Variants in OSBPL3 observed in about 807,000 individuals in gnomAD.
The protein encoded by OSBPL3 is oxysterol binding protein like 3.
Under a neutral mutation model 120.1 loss-of-function variants are expected in OSBPL3, and 65 were observed. That is an observed-to-expected ratio of 0.54 (90% CI 0.44 to 0.67). The LOEUF is 0.67. OSBPL3 is among the 30% of genes least tolerant of loss of function. The pLI is 0.00. For missense variants in OSBPL3, 1,004 were observed against 1,082.1 expected (o/e 0.93, Z 1.01); for synonymous variants, 416 against 402.6 (o/e 1.03, Z -0.40).
rs1346286455 is a variant in OSBPL3 at position 24,899,133 on chromosome 7, G to C, written c.-149-6512C>G. Among the ~76,000 whole-genome samples, 1 of 152,098 alleles carries C rather than the reference G, an allele frequency of 6.6e-6. No homozygotes were observed. Among genetic ancestry groups the C allele is most frequent in the African/African-American group, 2.4e-5 (1 of 41,396 alleles). Reference sequence around the variant, plus strand: ...CATCATCCATTTCTTATGGGACATGGATCAAGAGCCCTTGTGATCCCAGAT... The same window carrying C: ...CATCATCCATTTCTTATGGGACATGCATCAAGAGCCCTTGTGATCCCAGAT... On this transcript the variant is annotated intron_variant, in intron 1 of 22. Transcript: ENST00000313367. The surrounding 1 kb of genome is among the most constrained non-coding windows in gnomAD (Gnocchi z 4.0).
In OSBPL3 at chr7:24,852,388, T is replaced by A. The variant is rs552308639; in HGVS notation, c.1158+116A>T. On this transcript the variant is annotated intron_variant, in intron 11 of 22. Coordinates refer to ENST00000313367, the MANE Select transcript of OSBPL3 (RefSeq NM_015550.4). This position sits in a 1 kb window ranked among gnomAD's most constrained non-coding sequence, Gnocchi z 4.1. ...GATTTGATGAAAGGTTAGAATATAA[T>A]TTGGATAATTTGGTTTTCTCCTGAA... is the stretch of plus-strand genomic sequence containing the variant. 1.2e-6 allele frequency: 1 copy of A among 856,208 alleles called. No individual in the cohort carries two copies. The highest frequency in any genetic ancestry group is 1.7e-6 in the Non-Finnish European group (1 of 598,582). 53.0% of individuals were successfully genotyped at this position (856,208 alleles called of 1,614,324 possible).
chr7:24,875,245 A>G (rs1463349864), intron 2 of OSBPL3, among the ~76,000 whole-genome samples: 2 of 152,184 alleles, frequency 1.3e-5, no homozygotes, highest in African/African-American at 4.8e-5. Context: ...CTGAGGGAAG[A>G]CTGTATTTTG....
chr7:24,846,050 A>G (rs1432783454), intron 12 of OSBPL3, among the ~76,000 whole-genome samples: 1 of 152,202 alleles, frequency 6.6e-6, no homozygotes, highest in Non-Finnish European at 1.5e-5. Flanking sequence ...TAATTTATTG[A>G]ATAATCCACC....
At chr7:24,956,626 A>C (rs1319673430) in intron 1 of OSBPL3, among the ~76,000 whole-genome samples, 1 of 152,212 alleles carries the variant, frequency 6.6e-6, no homozygotes, top group Admixed American at 6.5e-5. Context: ...AGTTAGTCTC[A>C]TTGTTAGACC....
rs763935584 is a variant in OSBPL3 at position 24,854,933 on chromosome 7, G to A, written c.1028-2299C>T. On this transcript the variant is annotated intron_variant, in intron 10 of 22. Transcript: ENST00000313367. The surrounding 1 kb of genome is among the most constrained non-coding windows in gnomAD (Gnocchi z 4.1). Reference sequence around the variant, plus strand: ...GTTACTGCAATATCATAGTGATACCGATGAAGGAGACACATGAGGATGAAA... The same window carrying A: ...GTTACTGCAATATCATAGTGATACCAATGAAGGAGACACATGAGGATGAAA... Among the ~76,000 whole-genome samples, 64 of 152,232 alleles carry A rather than the reference G, an allele frequency of 4.2e-4. 1 individual carries two copies. The highest frequency in any genetic ancestry group is 3.5e-4 in the Non-Finnish European group (24 of 68,040).
chr7:24,913,900 T>C lies in OSBPL3; in HGVS notation c.-149-21279A>G, dbSNP rs560437866. On this transcript the variant is annotated intron_variant, in intron 1 of 22. Transcript: ENST00000313367. This position sits in a 1 kb window ranked among gnomAD's most constrained non-coding sequence, Gnocchi z 5.3. ...AAACAGAGCTAAAGTAAAGTAAAAG[T>C]TCTACATATATGCATTGAAACTTTC... is the stretch of plus-strand genomic sequence containing the variant. Among the ~76,000 whole-genome samples the C allele has an allele frequency of 2.6e-5, 4 of 152,260 alleles. No homozygotes were observed. The highest frequency in any genetic ancestry group is 4.8e-5 in the African/African-American group (2 of 41,564).
At chr7:24,874,409 G>A (rs1308529091) in intron 2 of OSBPL3, among the ~76,000 whole-genome samples, 1 of 152,100 alleles carries the variant, frequency 6.6e-6, no homozygotes, top group East Asian at 1.9e-4. Flanking sequence ...CAAAACATTC[G>A]ATTGTGCACA....
At position 24,805,268 on chromosome 7, in the gene OSBPL3, C is replaced by CTGAT. The variant is rs1306139232; in HGVS notation, c.2445-835_2445-832dup. 1.3e-5 allele frequency among the ~76,000 whole-genome samples: 2 copies of CTGAT among 152,128 alleles called. No homozygotes were observed. Among genetic ancestry groups the CTGAT allele is most frequent in the African/African-American group, 4.8e-5 (2 of 41,424 alleles). On this transcript the variant is annotated intron_variant, in intron 21 of 22. Transcript: ENST00000313367. This position sits in a 1 kb window ranked among gnomAD's most constrained non-coding sequence, Gnocchi z 4.0. ...ATAAAACTTCTGAATTTTTGCCAAT[C>CTGAT]TGATAGGTTAAAAATTGGGATGTCG... is the stretch of plus-strand genomic sequence containing the variant.
At chr7:24,890,126 C>A (rs569273543) in intron 2 of OSBPL3, among the ~76,000 whole-genome samples, 1 of 152,098 alleles carries the variant, frequency 6.6e-6, no homozygotes, top group East Asian at 1.9e-4. Flanking sequence ...AGAAAAATGA[C>A]CAATAAAATC....
intron 14 of OSBPL3, among the ~76,000 whole-genome samples, chr7:24,839,989 CACAAAAAAAAAAAA>C (rs1797513144): frequency 3.1e-5 from 2 of 65,312 alleles, no homozygotes; most frequent in African/African-American, 1.1e-4. Flanking sequence ...GACTCCATCT[CACAAAAAAAAAAAA>C]AAAAAAAAAA....
rs1208488149 is a variant in OSBPL3 at position 24,851,912 on chromosome 7, T to C, written c.1158+592A>G. On this transcript the variant is annotated intron_variant, in intron 11 of 22. Transcript: ENST00000313367. The surrounding 1 kb of genome is among the most constrained non-coding windows in gnomAD (Gnocchi z 4.1). ...TTTTCCTGTTACTATGAAGGTATAG[T>C]GATTGCCTGACAGGCACTTTCATGT... 6.6e-6 allele frequency among the ~76,000 whole-genome samples: 1 copy of C among 152,198 alleles called. No homozygotes were observed. Among genetic ancestry groups the C allele is most frequent in the Admixed American group, 6.5e-5 (1 of 15,284 alleles).
At chr7:24,812,537 C>G (rs1007461501) in intron 19 of OSBPL3, among the ~76,000 whole-genome samples, 3 of 151,942 alleles carry the variant, frequency 2.0e-5, no homozygotes, top group Non-Finnish European at 4.4e-5. Flanking sequence ...GGAGCTCTAG[C>G]ACCCTAGAGT....
At chr7:24,914,989 T>A (rs1809339420) in intron 1 of OSBPL3, among the ~76,000 whole-genome samples, 1 of 152,136 alleles carries the variant, frequency 6.6e-6, no homozygotes, top group Non-Finnish European at 1.5e-5. Context: ...ACCAAAAAAG[T>A]TATCAGTTAA....
Position 24,851,358 on chromosome 7 carries a change from G to C in OSBPL3, c.1158+1146C>G, listed in dbSNP as rs982805254. ...AATGTTATTTTTAATTTCTTTTGAA[G>C]ATAGCATACTTGTAATGGTCCATCA... On this transcript the variant is annotated intron_variant, in intron 11 of 22. Coordinates refer to ENST00000313367, the MANE Select transcript of OSBPL3 (RefSeq NM_015550.4). The surrounding 1 kb of genome is among the most constrained non-coding windows in gnomAD (Gnocchi z 4.1). Among the ~76,000 whole-genome samples the C allele has an allele frequency of 2.6e-5, 4 of 152,162 alleles. No homozygotes were observed. The highest frequency in any genetic ancestry group is 9.7e-5 in the African/African-American group (4 of 41,434).
At chr7:24,924,006 T>C (rs377502828) in intron 1 of OSBPL3, among the ~76,000 whole-genome samples, 2 of 152,208 alleles carry the variant, frequency 1.3e-5, no homozygotes, top group Admixed American at 6.5e-5. Context: ...AGTTAAAATA[T>C]CTGGGAAACC....
At chr7:24,840,229 C>T (rs747439246) in intron 14 of OSBPL3, among the ~76,000 whole-genome samples, 1 of 152,018 alleles carries the variant, frequency 6.6e-6, no homozygotes, top group Non-Finnish European at 1.5e-5. Context: ...GTCCTCTACA[C>T]AGCTCACCCT....
intron 1 of OSBPL3, among the ~76,000 whole-genome samples, chr7:24,909,768 G>GTTTTTTT (rs66683612): frequency 9.0e-6 from 1 of 110,608 alleles, no homozygotes; most frequent in African/African-American, 3.4e-5. Flanking sequence ...GAAAGCTACT[G>GTTTTTTT]TTTTTTTTTT....
At chr7:24,866,536 G>A (rs572943659) in intron 5 of OSBPL3, among the ~76,000 whole-genome samples, 1 of 152,264 alleles carries the variant, frequency 6.6e-6, no homozygotes, top group South Asian at 2.1e-4. Context: ...AGCTACTCGG[G>A]AGGCTGAGGT....
rs554112662 is a variant in OSBPL3, at chr7:24,937,470, T to C, written c.-150+42416A>G. 3.9e-5 allele frequency among the ~76,000 whole-genome samples: 6 copies of C among 152,380 alleles called. No homozygotes were observed. Among genetic ancestry groups the C allele is most frequent in the South Asian group, 2.1e-4 (1 of 4,830 alleles). ...CTTGAGGTTTACCCATAAGGATACA[T>C]ATAGTTTTAGTTCTTTCTGCTTTAT... is the stretch of plus-strand genomic sequence containing the variant. On this transcript the variant is annotated intron_variant, in intron 1 of 22. Coordinates refer to ENST00000313367, the MANE Select transcript of OSBPL3 (RefSeq NM_015550.4). The surrounding 1 kb of genome is among the most constrained non-coding windows in gnomAD (Gnocchi z 4.0).
Sources: gnomAD v4.1 joint callset for allele counts (sites outside exome capture counted in the v4.1 genomes callset) on GRCh38, gnomAD v4.1.1 for gene constraint, Gnocchi (gnomAD v3.1) non-coding constraint, MANE v1.5 for transcripts, NCBI Gene and HGNC (gene_info 2026-07-23, HGNC 2026-07-21) for gene names.